RGS6: variants seen among roughly 807,000 people sequenced by gnomAD.
RGS6 encodes the protein regulator of G-protein signaling 6.
Under a neutral mutation model 78.5 loss-of-function variants are expected in RGS6, and 30 were observed. That is an observed-to-expected ratio of 0.38 (90% CI 0.29 to 0.52). The LOEUF (loss-of-function observed/expected upper bound fraction) is 0.52. Ranked by LOEUF, RGS6 falls within the 20% of genes least tolerant of loss-of-function variation. The probability of loss-of-function intolerance (pLI) is 0.85; values close to 1 mark genes in which losing one functional copy is unlikely to be tolerated. For missense variants in RGS6, 495 were observed against 609.7 expected (o/e 0.81, Z 1.98); for synonymous variants, 206 against 206.0 (o/e 1.00, Z 0.00).
At chr14:72,122,814 G>GA (rs1029640561) in intron 2 of RGS6, among the ~76,000 whole-genome samples, 16 of 148,372 alleles carry the variant, frequency 1.1e-4, no homozygotes, top group South Asian at 2.1e-4. Flanking sequence ...TTTAAATATG[G>GA]AAAAAAAAAT....
At chr14:72,063,680 G>T (rs2093999168) in intron 2 of RGS6, among the ~76,000 whole-genome samples, 1 of 152,142 alleles carries the variant, frequency 6.6e-6, no homozygotes, top group African/African-American at 2.4e-5. Context: ...TCCTTAAGTA[G>T]GCAAGAGGGG....
At chr14:72,177,505 C>T (rs2097121863) in intron 2 of RGS6, among the ~76,000 whole-genome samples, 2 of 152,228 alleles carry the variant, frequency 1.3e-5, no homozygotes, top group Non-Finnish European at 2.9e-5. Context: ...TAACTTTTTA[C>T]TACATGTAGG....
intron 2 of RGS6, among the ~76,000 whole-genome samples, chr14:72,255,261 G>C (rs2056825170): frequency 6.6e-6 from 1 of 152,196 alleles, no homozygotes; most frequent in Non-Finnish European, 1.5e-5. Flanking sequence ...AGGGTGATGA[G>C]GTAGGTCCAC....
rs540757149 is a variant in RGS6, at chr14:71,949,397, A to G, written c.-20-15375A>G. Among the ~76,000 whole-genome samples the G allele has an allele frequency of 3.3e-5, 5 of 151,972 alleles. No individual in the cohort carries two copies. The East Asian group carries it at 7.7e-4, about 24-fold the overall frequency. On this transcript the variant is annotated intron_variant, in intron 1 of 17. Transcript: ENST00000553525. ...GTAGTGATGTCTTATTATGGCTTCA[A>G]TTTGCATTTTTCTGGTGACTGATGA...
At chr14:72,354,590 A>T (rs997605682) in intron 3 of RGS6, among the ~76,000 whole-genome samples, 4 of 152,066 alleles carry the variant, frequency 2.6e-5, no homozygotes, top group African/African-American at 4.8e-5. Flanking sequence ...AGGTCACGCC[A>T]CTGCACTCCA....
chr14:72,558,066 C>T (rs1402386232), intron 17 of RGS6, among the ~76,000 whole-genome samples: 1 of 152,026 alleles, frequency 6.6e-6, no homozygotes, highest in African/African-American at 2.4e-5. Flanking sequence ...ATGAATTTGA[C>T]AAGTGTATGC....
intron 2 of RGS6, among the ~76,000 whole-genome samples, chr14:72,064,295 T>A (rs1191598673): frequency 3.3e-5 from 5 of 152,094 alleles, no homozygotes; most frequent in Non-Finnish European, 7.4e-5. Flanking sequence ...GTCAAGTCAA[T>A]GGATCCAGAG....
chr14:72,396,978 T>G (rs1484077411), intron 3 of RGS6, among the ~76,000 whole-genome samples: 1 of 152,248 alleles, frequency 6.6e-6, no homozygotes, highest in Non-Finnish European at 1.5e-5. Flanking sequence ...TCAGGTAGCA[T>G]GATGCCTCCA....
chr14:72,005,980 C>T (rs11852225), intron 2 of RGS6, among the ~76,000 whole-genome samples: 4,569 of 151,934 alleles, frequency 0.03, 208 homozygotes, highest in African/African-American at 0.099. Context: ...AGTAATGTGT[C>T]CTCCAAAAAT....
At position 71,998,768 on chromosome 14, in the gene RGS6, G is replaced by A. The variant is rs762852440; in HGVS notation, c.84+33893G>A. On this transcript the variant is annotated intron_variant, in intron 2 of 17. Coordinates refer to ENST00000553525, the MANE Select transcript of RGS6 (RefSeq NM_001204424.2). ...TTTATACCACCTCTCTTCCTAAAAGGAGTGTGAAATGGAGCTAGAGAAGGG... is the reference window on the plus strand; with the variant it reads ...TTTATACCACCTCTCTTCCTAAAAGAAGTGTGAAATGGAGCTAGAGAAGGG... 1.2e-4 allele frequency among the ~76,000 whole-genome samples: 19 copies of A among 152,164 alleles called. 1 individual carries two copies. Among genetic ancestry groups the A allele is most frequent in the Non-Finnish European group, 2.5e-4 (17 of 68,036 alleles).
chr14:72,441,622 C>A (rs922596602), intron 3 of RGS6, among the ~76,000 whole-genome samples: 1 of 152,250 alleles, frequency 6.6e-6, no homozygotes, highest in East Asian at 1.9e-4. Flanking sequence ...CCTGTCACTG[C>A]TGCTGCCATT....
chr14:72,063,607 G>A (rs913394903), intron 2 of RGS6, among the ~76,000 whole-genome samples: 1 of 152,062 alleles, frequency 6.6e-6, no homozygotes, highest in Admixed American at 6.6e-5. Context: ...TAAAGATGGG[G>A]GTTATATTAC....
intron 2 of RGS6, among the ~76,000 whole-genome samples, chr14:72,187,085 C>T (rs752925206): frequency 5.3e-5 from 8 of 152,106 alleles, no homozygotes; most frequent in East Asian, 1.9e-4. Flanking sequence ...CCCTCAAAAG[C>T]TTTAAAGGGC....
chr14:72,458,521 T>G, intron 5 of RGS6, 144 bp downstream of exon 5: 1 of 642,232 alleles, frequency 1.6e-6, no homozygotes, highest in Admixed American at 2.9e-5. Flanking sequence ...AGAGAACTTT[T>G]CTCTGGGCCA....
intron 2 of RGS6, among the ~76,000 whole-genome samples, chr14:72,021,657 A>G (rs1189633714): frequency 6.6e-6 from 1 of 151,388 alleles, no homozygotes; most frequent in Admixed American, 6.6e-5. Context: ...ATTTTTATAG[A>G]GACGGGGTTT....
Position 72,189,671 on chromosome 14 carries a change from T to C in RGS6, c.85-162424T>C, listed in dbSNP as rs17108758. On this transcript the variant is annotated intron_variant, in intron 2 of 17. Coordinates refer to ENST00000553525, the MANE Select transcript of RGS6 (RefSeq NM_001204424.2). Reference sequence around the variant, plus strand: ...GAAGAATAGATTTTCGGTGGTCAGTTTGGCATTCAACCAGGACCAAAAGAG... The same window carrying C: ...GAAGAATAGATTTTCGGTGGTCAGTCTGGCATTCAACCAGGACCAAAAGAG... 8.3e-3 allele frequency among the ~76,000 whole-genome samples: 1,256 copies of C among 152,216 alleles called. 14 individuals are homozygous for C. The highest frequency in any genetic ancestry group is 0.027 in the African/African-American group (1,141 of 41,540).
At chr14:72,099,173 G>GT (rs926239291) in intron 2 of RGS6, among the ~76,000 whole-genome samples, 3 of 152,002 alleles carry the variant, frequency 2.0e-5, no homozygotes, top group African/African-American at 7.3e-5. Context: ...TTTTTTTGTT[G>GT]TTTTTTGAAA....
the RGS6 span, among the ~76,000 whole-genome samples, chr14:71,926,251 C>T: frequency 6.6e-6 from 1 of 152,164 alleles, no homozygotes; most frequent in South Asian, 2.1e-4. Context: ...ATACTGATTT[C>T]AAATTATCTT....
At chr14:72,204,153 G>A (rs1293040066) in intron 2 of RGS6, among the ~76,000 whole-genome samples, 2 of 152,096 alleles carry the variant, frequency 1.3e-5, no homozygotes, top group Non-Finnish European at 2.9e-5. Context: ...TGTGCAATTA[G>A]GTGGCATTAA....
Sources: allele counts gnomAD v4.1 joint callset (sites outside exome capture counted in the v4.1 genomes callset), GRCh38; gene constraint gnomAD v4.1.1; transcripts MANE v1.5; gene names NCBI Gene and HGNC (gene_info 2026-07-23, HGNC 2026-07-21).